The following NAP1L4 variants were observed in gnomAD, a reference collection of about 807,000 sequenced individuals.
NAP1L4 encodes the protein nucleosome assembly protein 1-like 4.
Under a neutral mutation model 58.2 loss-of-function variants are expected in NAP1L4, and 15 were observed. The ratio of observed to expected loss-of-function variants is 0.26; its 90% CI spans 0.17 to 0.40. The LOEUF (loss-of-function observed/expected upper bound fraction) is 0.40, where lower values mean the gene tolerates loss of function less well. Ranked by LOEUF, NAP1L4 falls within the 10% of genes least tolerant of loss-of-function variation. The pLI is 1.00. For missense variants in NAP1L4, 384 were observed against 451.1 expected (o/e 0.85, Z 1.35); for synonymous variants, 171 against 155.6 (o/e 1.10, Z -0.74).
intron 8 of NAP1L4, among the ~76,000 whole-genome samples, chr11:2,962,031 C>A (rs941833199): frequency 1.3e-5 from 2 of 152,230 alleles, no homozygotes; most frequent in Admixed American, 1.3e-4. Flanking sequence ...AATATGCTAA[C>A]CATGCTCAAT....
At chr11:2,970,616 G>A (rs1238062222) in intron 6 of NAP1L4, among the ~76,000 whole-genome samples, 1 of 152,056 alleles carries the variant, frequency 6.6e-6, no homozygotes, top group Non-Finnish European at 1.5e-5. Context: ...GAGGTGAAAC[G>A]CAACACCAGA....
At chr11:2,977,728 TCAAA>T (rs1040160022) in intron 3 of NAP1L4, among the ~76,000 whole-genome samples, 1 of 152,140 alleles carries the variant, frequency 6.6e-6, no homozygotes, top group African/African-American at 2.4e-5. Flanking sequence ...CCACTTGCTT[TCAAA>T]CAGTTTGGAG....
intron 1 of NAP1L4, among the ~76,000 whole-genome samples, chr11:2,981,215 A>G (rs879730401): frequency 1.3e-5 from 2 of 151,048 alleles, no homozygotes; most frequent in Admixed American, 6.6e-5. Context: ...TCCCGCCTGG[A>G]AGACACAGTC....
intron 1 of NAP1L4, chr11:2,981,912 C>T (rs7112737): frequency 0.14 from 21,079 of 152,580 alleles, 1,545 homozygotes; most frequent in Middle Eastern, 0.17. Context: ...TGTCTACCTC[C>T]CCACACTCAT....
Position 2,951,780 on chromosome 11 carries a change from C to T in NAP1L4, c.1065G>A (p.Glu355=). The change falls in exon 13 of 16, where the codon GAG becomes GAA. Residue 355 remains glutamate, a splice_region_variant and synonymous_variant. Coordinates refer to ENST00000380542, the MANE Select transcript of NAP1L4 (RefSeq NM_005969.4). The surrounding 1 kb of genome is among the most constrained non-coding windows in gnomAD (Gnocchi z 4.0). ...NFEEGEEGEE[E]ELEGDEEGED... ...GGCACTGCATAAACCTGTCTCTTAC[C>T]TCCTCTTCTCCTTCTTCACCTTCTT... 1 of 1,614,088 alleles carries T rather than the reference C, an allele frequency of 6.2e-7. No homozygotes were observed. Among genetic ancestry groups the T allele is most frequent in the Non-Finnish European group, 8.5e-7 (1 of 1,179,980 alleles).
At chr11:2,945,678 G>C (rs1240950154) in intron 15 of NAP1L4, 32 bp from the exon 16 acceptor site, 16 of 1,524,064 alleles carry the variant, frequency 1.0e-5, no homozygotes, top group Non-Finnish European at 1.4e-5. Context: ...CTTGTAGAGA[G>C]CAAAGCCAGC....
At chr11:2,970,559 T>G (rs559613796) in intron 6 of NAP1L4, among the ~76,000 whole-genome samples, 1 of 152,156 alleles carries the variant, frequency 6.6e-6, no homozygotes, top group Non-Finnish European at 1.5e-5. Flanking sequence ...AAAGGCCACA[T>G]GGCAAAAGGA....
intron 1 of NAP1L4, among the ~76,000 whole-genome samples, chr11:2,980,544 A>C (rs528892233): frequency 2.1e-4 from 32 of 152,346 alleles, no homozygotes; most frequent in Non-Finnish European, 3.7e-4. Context: ...TGCACAGCTT[A>C]AAAAGGTCCT....
chr11:2,988,885 G>T (rs1848800889), intron 1 of NAP1L4, among the ~76,000 whole-genome samples: 1 of 152,146 alleles, frequency 6.6e-6, no homozygotes, highest in East Asian at 1.9e-4. Context: ...GTTACTAAAT[G>T]CAAAATGTAA....
chr11:2,964,656 C>T, intron 8 of NAP1L4, 24 bp downstream of exon 8: 2 of 1,600,894 alleles, frequency 1.2e-6, no homozygotes, highest in Non-Finnish European at 8.6e-7. Context: ...CTGATGCCAA[C>T]CAGAAGGTCA....
chr11:2,958,270 C>T, intron 10 of NAP1L4, 129 bp downstream of exon 10: 1 of 915,830 alleles, frequency 1.1e-6, no homozygotes, highest in Non-Finnish European at 1.8e-6. Context: ...TGGGACACAG[C>T]AATGTGCCCC....
rs1434986113 is a variant in NAP1L4 at position 2,951,097 on chromosome 11, A to G, written c.1122+162T>C. 7 of 672,286 alleles carry G rather than the reference A, an allele frequency of 1.0e-5. No individual in the cohort carries two copies. Among genetic ancestry groups the G allele is most frequent in the African/African-American group, 1.8e-5 (1 of 55,572 alleles). The allele number at this position is 672,286 out of a possible 1,614,324, so 41.6% of individuals were successfully genotyped here. On this transcript the variant is annotated intron_variant, in intron 14 of 15. Coordinates refer to ENST00000380542, the MANE Select transcript of NAP1L4 (RefSeq NM_005969.4). The surrounding 1 kb of genome is among the most constrained non-coding windows in gnomAD (Gnocchi z 4.0). ...CACTCAACACTCAAATTATAGACAC[A>G]GTGTCTGAATAATCATTCCACTATT... is the stretch of plus-strand genomic sequence containing the variant.
At chr11:2,980,450 T>C (rs1422662931) in intron 1 of NAP1L4, among the ~76,000 whole-genome samples, 1 of 152,166 alleles carries the variant, frequency 6.6e-6, no homozygotes, top group East Asian at 1.9e-4. Context: ...CCTACCAAAG[T>C]GTTGGGATTA....
At chr11:2,958,201 A>ACTGT in intron 10 of NAP1L4, 198 bp downstream of exon 10, 1 of 701,890 alleles carries the variant, frequency 1.4e-6, no homozygotes, top group South Asian at 1.5e-5. Context: ...TCCTACTCTT[A>ACTGT]CTGTCCTAGC....
chr11:2,985,613 T>A (rs1848572425), intron 1 of NAP1L4, among the ~76,000 whole-genome samples: 1 of 152,226 alleles, frequency 6.6e-6, no homozygotes, highest in South Asian at 2.1e-4. Flanking sequence ...CTAATGTGAA[T>A]TAACTTGACT....
chr11:2,978,189 C>T, intron 3 of NAP1L4, 95 bp downstream of exon 3: 3 of 1,147,234 alleles, frequency 2.6e-6, no homozygotes, highest in African/African-American at 1.6e-5. Flanking sequence ...AAAACCACTG[C>T]AGTACAGGAA....
chr11:2,966,892 G>A (rs1847313664), intron 7 of NAP1L4, among the ~76,000 whole-genome samples: 1 of 152,130 alleles, frequency 6.6e-6, no homozygotes, highest in Non-Finnish European at 1.5e-5. Context: ...TGTACCCTGT[G>A]GGTCAAAACT....
intron 1 of NAP1L4, among the ~76,000 whole-genome samples, chr11:2,988,413 G>C (rs187049892): frequency 2.3e-4 from 35 of 152,216 alleles, no homozygotes; most frequent in African/African-American, 7.7e-4. Flanking sequence ...TGCCACCATT[G>C]AACTTGTTCG....
At position 2,951,972 on chromosome 11, in the gene NAP1L4, G is replaced by A; in HGVS notation, c.1036-163C>T. On this transcript the variant is annotated intron_variant, in intron 12 of 15. Coordinates refer to ENST00000380542, the MANE Select transcript of NAP1L4 (RefSeq NM_005969.4). This position sits in a 1 kb window ranked among gnomAD's most constrained non-coding sequence, Gnocchi z 4.0. ...CTTGCCTGAGGAGCCATTTGCTTGT[G>A]TGCAGCGCATTTTAAAAGCATGCCA... 3.0e-6 allele frequency: 2 copies of A among 676,480 alleles called. No homozygotes were observed. The highest frequency in any genetic ancestry group is 2.7e-6 in the Non-Finnish European group (1 of 376,510). The allele number at this position is 676,480 out of a possible 1,614,324, so 41.9% of individuals were successfully genotyped here.
Sources: allele counts gnomAD v4.1 joint callset (sites outside exome capture counted in the v4.1 genomes callset), GRCh38; gene constraint gnomAD v4.1.1; non-coding constraint Gnocchi (gnomAD v3.1); transcripts MANE v1.5; gene names NCBI Gene and HGNC (gene_info 2026-07-23, HGNC 2026-07-21).